ROBO3: variants seen among roughly 807,000 people sequenced by gnomAD.
ROBO3 encodes roundabout homolog 3.
Under a neutral mutation model 160.5 loss-of-function variants are expected in ROBO3, and 97 were observed. That is an observed-to-expected ratio of 0.60 (90% CI 0.51 to 0.72). The LOEUF (loss-of-function observed/expected upper bound fraction) is 0.72. Among genes scored for constraint, ROBO3 ranks in the 30% least tolerant of loss-of-function variants. The pLI, the probability that ROBO3 is intolerant of heterozygous loss-of-function variation, is 0.00. For missense variants in ROBO3, 1,858 were observed against 1,846.5 expected, an observed-to-expected ratio of 1.01 and a Z score of -0.11; for synonymous variants, 780 against 746.2, an observed-to-expected ratio of 1.05 and a Z score of -0.74.
At position 124,877,590 on chromosome 11, in the gene ROBO3, C is replaced by G. The variant is rs774938340; in HGVS notation, c.2918C>G (p.Pro973Arg). The change falls in exon 20 of 28, where the codon CCC becomes CGC. Residue 973 changes from proline to arginine, a missense_variant. By Grantham distance (103) the Pro-to-Arg change is moderately radical (BLOSUM62 -2). Coordinates refer to ENST00000397801, the MANE Select transcript of ROBO3 (RefSeq NM_022370.4). Reference protein sequence around the residue: ...ADSWPHPSRSPSAQEPRGSCC... With the variant: ...ADSWPHPSRSRSAQEPRGSCC... ...TCGTGGCCCCACCCATCTCGAAGCC[C>G]CTCGGCCCAGGAACCCAGGGGAAGC... is the stretch of plus-strand genomic sequence containing the variant. 2.7e-5 allele frequency: 44 copies of G among 1,607,198 alleles called. No homozygotes were observed. Among genetic ancestry groups the G allele is most frequent in the Non-Finnish European group, 3.7e-5 (43 of 1,177,152 alleles).
chr11:124,873,047 C>A lies in ROBO3; in HGVS notation c.1494C>A (p.Phe498Leu), dbSNP rs528787628. ...GGCTGCAGGGGGATGACCTCCAGTT[C>A]AAGACAATGGCCAACGGTACCCTGT... The part of the protein sequence containing the change: ...GQWLQGDDLQ[F>L]KTMANGTLYI... The change falls in exon 9 of 28, where the codon TTC becomes TTA. Residue 498 changes from phenylalanine (F) to leucine (L), a missense_variant. By Grantham distance (22) the Phe-to-Leu change is conservative (BLOSUM62 0). Transcript: ENST00000397801. This position sits in a 1 kb window ranked among gnomAD's most constrained non-coding sequence, Gnocchi z 4.5. 6.2e-6 allele frequency: 10 copies of A among 1,613,826 alleles called. No individual in the cohort carries two copies. In the African/African-American group the frequency reaches 1.3e-4, roughly 22 times the overall value.
Position 124,880,611 on chromosome 11 carries a change from A to C in ROBO3, c.4149+3A>C. ...GGCCAGGACAGAAACGCCGAGAGGT[A>C]GGGGCCATAGATTGCAGAAAAATGA... On this transcript the variant is annotated splice_donor_region_variant and intron_variant, in intron 27 of 27. Coordinates refer to ENST00000397801, the MANE Select transcript of ROBO3 (RefSeq NM_022370.4). The C allele has an allele frequency of 1.3e-6, 2 of 1,534,000 alleles. No homozygotes were observed. The highest frequency in any genetic ancestry group is 1.8e-6 in the Non-Finnish European group (2 of 1,140,776).
chr11:124,876,126 G>C lies in ROBO3; in HGVS notation c.2593+1G>C. On this transcript the variant is annotated splice_donor_variant, in intron 16 of 27. Coordinates refer to ENST00000397801, the MANE Select transcript of ROBO3 (RefSeq NM_022370.4). LOFTEE classifies it high-confidence loss of function. The surrounding 1 kb of genome is among the most constrained non-coding windows in gnomAD (Gnocchi z 5.3). ...AGTGCCCCAGTGCTGGTGCAGCTGC[G>C]TGAGTCCACCCGAGGGCAGTGCTGA... 6.3e-7 allele frequency: 1 copy of C among 1,598,448 alleles called. No homozygotes were observed. The highest frequency in any genetic ancestry group is 8.5e-7 in the Non-Finnish European group (1 of 1,175,762).
At chr11:124,870,504 C>A (rs1467193403) in intron 5 of ROBO3, 97 bp from the exon 6 acceptor site, 1 of 1,570,982 alleles carries the variant, frequency 6.4e-7, no homozygotes, top group African/African-American at 1.3e-5. Context: ...CTGGGTCCTG[C>A]CTGTCTTTAA....
intron 1 of ROBO3, chr11:124,868,352 G>A (rs1376611080): frequency 6.0e-6 from 2 of 336,032 alleles, no homozygotes; most frequent in African/African-American, 4.1e-5. Context: ...CAGAAGTCAA[G>A]AACAAACTGT....
At position 124,881,324 on chromosome 11, in the gene ROBO3, G is replaced by C; in HGVS notation, c.*74G>C. On this transcript the variant is annotated 3_prime_UTR_variant, in exon 28 of 28. Transcript: ENST00000397801. The stretch of plus-strand genomic sequence containing the variant: ...TAGGGATGTCTTTTCCCCCCCAGCA[G>C]TGATGAGTGGGGCTAGCTGAAGCCC... 1 of 1,430,068 alleles carries C rather than the reference G, an allele frequency of 7.0e-7. No individual in the cohort carries two copies. Among genetic ancestry groups the C allele is most frequent in the Non-Finnish European group, 9.7e-7 (1 of 1,032,716 alleles). 88.6% of individuals were successfully genotyped at this position (1,430,068 alleles called of 1,614,324 possible). A position where few individuals can be genotyped will look rare whatever the true frequency, so the allele number is the denominator to read the frequency against.
In ROBO3 at chr11:124,878,751, C is replaced by T. The variant is rs1399964767; in HGVS notation, c.3488C>T (p.Pro1163Leu). The change falls in exon 23 of 28, where the codon CCT (proline) becomes CTT (leucine). Residue 1163 changes from proline (P) to leucine (L), a missense_variant. Pro to Leu is a moderately conservative substitution (Grantham distance 98). Coordinates refer to ENST00000397801, the MANE Select transcript of ROBO3 (RefSeq NM_022370.4). This position sits in a 1 kb window ranked among gnomAD's most constrained non-coding sequence, Gnocchi z 4.3. Reference protein sequence around the residue: ...TATLTPSPPDPPQPPTDMPHL... With the variant: ...TATLTPSPPDLPQPPTDMPHL... ...ACTCTTACACCCTCACCTCCTGACC[C>T]TCCCCAGCCCCCAACTGACATGCCC... 1.9e-6 allele frequency: 3 copies of T among 1,613,670 alleles called. No individual in the cohort carries two copies. Among genetic ancestry groups the T allele is most frequent in the Admixed American group, 1.7e-5 (1 of 60,010 alleles).
chr11:124,880,749 G>GCCCCC, intron 27 of ROBO3, 141 bp downstream of exon 27: 1 of 997,534 alleles, frequency 1.0e-6, no homozygotes, highest in Non-Finnish European at 1.4e-6. Context: ...GGGGAGGGAG[G>GCCCCC]AATCCTGTAG....
chr11:124,869,801 T>TA lies in ROBO3; in HGVS notation c.646-146dup. On this transcript the variant is annotated intron_variant, in intron 3 of 27. Coordinates refer to ENST00000397801, the MANE Select transcript of ROBO3 (RefSeq NM_022370.4). This position sits in a 1 kb window ranked among gnomAD's most constrained non-coding sequence, Gnocchi z 4.2. ...GATGCCCCAGGAACTTCCCATTTGA[T>TA]ATGTGGGTCAACTTCCTTGGTCTCC... is the stretch of plus-strand genomic sequence containing the variant. 7.8e-7 allele frequency: 1 copy of TA among 1,284,182 alleles called. No homozygotes were observed. Among genetic ancestry groups the TA allele is most frequent in the Non-Finnish European group, 1.1e-6 (1 of 927,430 alleles). The allele number at this position is 1,284,182 out of a possible 1,614,324, so 79.5% of individuals were successfully genotyped here. A position where few individuals can be genotyped will look rare whatever the true frequency, so the allele number is the denominator to read the frequency against.
In ROBO3 at chr11:124,868,979, C is replaced by T. The variant is rs1212808083; in HGVS notation, c.338C>T (p.Ala113Val). Residue 113 changes from alanine (A) to valine (V), a missense_variant, in exon 2 of 28, where the codon GCG becomes GTG. Coordinates refer to ENST00000397801, the MANE Select transcript of ROBO3 (RefSeq NM_022370.4). ...RVATVREDPR[A>V]HRLLLPSGAL... is the part of the protein sequence containing the mutation. ...GCCACTGTGCGGGAGGATCCGCGTG[C>T]GCACCGCCTGCTGCTGCCCAGCGGC... 4 of 1,602,286 alleles carry T rather than the reference C, an allele frequency of 2.5e-6. No homozygotes were observed. Among genetic ancestry groups the T allele is most frequent in the Non-Finnish European group, 3.4e-6 (4 of 1,175,332 alleles).
Position 124,878,457 on chromosome 11 carries a change from C to T in ROBO3, c.3320+21C>T. On this transcript the variant is annotated intron_variant, in intron 22 of 27. Coordinates refer to ENST00000397801, the MANE Select transcript of ROBO3 (RefSeq NM_022370.4). The surrounding 1 kb of genome is among the most constrained non-coding windows in gnomAD (Gnocchi z 4.3). Reference sequence around the variant, plus strand: ...GGCAGGTAGAGATGCTCCCTGCTTCCAGGCCCACACACCTGCGGCCAGACC... The same window carrying T: ...GGCAGGTAGAGATGCTCCCTGCTTCTAGGCCCACACACCTGCGGCCAGACC... The T allele has an allele frequency of 6.2e-7, 1 of 1,609,970 alleles. No individual in the cohort carries two copies. Among genetic ancestry groups the T allele is most frequent in the Non-Finnish European group, 8.5e-7 (1 of 1,177,380 alleles).
At position 124,869,140 on chromosome 11, in the gene ROBO3, T is replaced by TCAGG; in HGVS notation, c.487+12_487+13insCAGG. On this transcript the variant is annotated intron_variant, in intron 2 of 27. Coordinates refer to ENST00000397801, the MANE Select transcript of ROBO3 (RefSeq NM_022370.4). The surrounding 1 kb of genome is among the most constrained non-coding windows in gnomAD (Gnocchi z 4.2). ...GCTGGAAGTGGCAGGTGAGAGTCAG[T>TCAGG]TGACCGTCAGCTGGTTGCTTCCAGA... 1 of 1,531,588 alleles carries TCAGG rather than the reference T, an allele frequency of 6.5e-7. No homozygotes were observed. Among genetic ancestry groups the TCAGG allele is most frequent in the Non-Finnish European group, 8.8e-7 (1 of 1,138,576 alleles). The allele number at this position is 1,531,588 out of a possible 1,614,324, so 94.9% of individuals were successfully genotyped here. A position where few individuals can be genotyped will look rare whatever the true frequency, so the allele number is the denominator to read the frequency against.
Position 124,876,557 on chromosome 11 carries a change from C to A in ROBO3, c.2779+97C>A. 2.8e-6 allele frequency: 3 copies of A among 1,080,318 alleles called. No homozygotes were observed. Among genetic ancestry groups the A allele is most frequent in the South Asian group, 2.6e-5 (1 of 38,028 alleles). The allele number at this position is 1,080,318 out of a possible 1,614,324, so 66.9% of individuals were successfully genotyped here. ...AGCCGCTGGCGAGTGAGGACCGGGT[C>A]GGGAGAAAGGGGTCGCACCTGGAGT... On this transcript the variant is annotated intron_variant, in intron 17 of 27. Coordinates refer to ENST00000397801, the MANE Select transcript of ROBO3 (RefSeq NM_022370.4). This position sits in a 1 kb window ranked among gnomAD's most constrained non-coding sequence, Gnocchi z 5.3.
chr11:124,869,882 T>C lies in ROBO3; in HGVS notation c.646-66T>C. ...CTTTATACATATGTATATACACATA[T>C]ATTCACCATATATATATACGCTGTG... On this transcript the variant is annotated intron_variant, in intron 3 of 27. Transcript: ENST00000397801. The surrounding 1 kb of genome is among the most constrained non-coding windows in gnomAD (Gnocchi z 4.2). 4 of 1,536,020 alleles carry C rather than the reference T, an allele frequency of 2.6e-6. No individual in the cohort carries two copies. In the South Asian group the frequency reaches 3.6e-5, roughly 14 times the overall value.
In ROBO3 at chr11:124,879,957, G is replaced by GT; in HGVS notation, c.3958+9_3958+10insT. 1 of 1,555,412 alleles carries GT rather than the reference G, an allele frequency of 6.4e-7. No homozygotes were observed. The highest frequency in any genetic ancestry group is 8.7e-7 in the Non-Finnish European group (1 of 1,149,202). ...GGTGCTCCACCCAGATGGTAAGCAG[G>GT]GCCAGGGCAGGCAGGAGGGCTGCTG... On this transcript the variant is annotated intron_variant, in intron 26 of 27. Transcript: ENST00000397801.
At position 124,869,429 on chromosome 11, in the gene ROBO3, G is replaced by GCGGC; in HGVS notation, c.488-20_488-19insGGCC. On this transcript the variant is annotated intron_variant, in intron 2 of 27. Transcript: ENST00000397801. This position sits in a 1 kb window ranked among gnomAD's most constrained non-coding sequence, Gnocchi z 4.2. ...TGTCACTCTACACCCTGCTTATTTC[G>GCGGC]CCCCCCACCGCCCCGCCCAGTCCTC... 3.1e-6 allele frequency: 4 copies of GCGGC among 1,295,760 alleles called. No homozygotes were observed. Among genetic ancestry groups the GCGGC allele is most frequent in the South Asian group, 1.3e-5 (1 of 79,688 alleles). The allele number at this position is 1,295,760 out of a possible 1,614,324, so 80.3% of individuals were successfully genotyped here.
Position 124,878,511 on chromosome 11 carries a change from G to T in ROBO3, c.3321-73G>T, listed in dbSNP as rs372682189. 1.9e-5 allele frequency: 30 copies of T among 1,600,278 alleles called. 1 individual carries two copies. In the African/African-American group the frequency reaches 3.6e-4, roughly 19 times the overall value. On this transcript the variant is annotated intron_variant, in intron 22 of 27. Transcript: ENST00000397801. The surrounding 1 kb of genome is among the most constrained non-coding windows in gnomAD (Gnocchi z 4.3). Reference sequence around the variant, plus strand: ...GGCTGCTGGGGAGGAAGGGGAGGGGGCAGCAGGAAGGCCAACGGGAAGGTA... The same window carrying T: ...GGCTGCTGGGGAGGAAGGGGAGGGGTCAGCAGGAAGGCCAACGGGAAGGTA...
Position 124,878,527 on chromosome 11 carries a change from C to T in ROBO3, c.3321-57C>T, listed in dbSNP as rs978627300. 20 of 1,599,714 alleles carry T rather than the reference C, an allele frequency of 1.3e-5. No individual in the cohort carries two copies. The African/African-American group carries it at 1.5e-4, about 12-fold the overall frequency. On this transcript the variant is annotated intron_variant, in intron 22 of 27. Coordinates refer to ENST00000397801, the MANE Select transcript of ROBO3 (RefSeq NM_022370.4). The surrounding 1 kb of genome is among the most constrained non-coding windows in gnomAD (Gnocchi z 4.3). ...GGGGAGGGGGCAGCAGGAAGGCCAA[C>T]GGGAAGGTATGGAAGCAGCTGAGCC... is the stretch of plus-strand genomic sequence containing the variant.
rs1441120276 is a variant in ROBO3 at position 124,878,857 on chromosome 11, T to C, written c.3533+61T>C. On this transcript the variant is annotated intron_variant, in intron 23 of 27. Coordinates refer to ENST00000397801, the MANE Select transcript of ROBO3 (RefSeq NM_022370.4). The surrounding 1 kb of genome is among the most constrained non-coding windows in gnomAD (Gnocchi z 4.3). ...CCTCTATACGTATCTACTCAGTAGATGACTGGGTGGGTGGATGGATGGATG... is the reference window on the plus strand; with the variant it reads ...CCTCTATACGTATCTACTCAGTAGACGACTGGGTGGGTGGATGGATGGATG... 2.9e-6 allele frequency: 4 copies of C among 1,370,314 alleles called. No homozygotes were observed. The highest frequency in any genetic ancestry group is 2.4e-5 in the East Asian group (1 of 42,226). 84.9% of individuals were successfully genotyped at this position (1,370,314 alleles called of 1,614,324 possible). A position where few individuals can be genotyped will look rare whatever the true frequency, so the allele number is the denominator to read the frequency against.
Sources: gnomAD v4.1 joint callset for allele counts on GRCh38, gnomAD v4.1.1 for gene constraint, Gnocchi (gnomAD v3.1) non-coding constraint, MANE v1.5 for transcripts, NCBI Gene and HGNC (gene_info 2026-07-23, HGNC 2026-07-21) for gene names.